MATN2: variants seen among roughly 807,000 people sequenced by gnomAD.
MATN2 encodes matrilin-2.
MATN2 carries 69 observed loss-of-function variants against 103.2 expected under a neutral mutation model. That is an observed-to-expected ratio of 0.67 (90% CI 0.55 to 0.82). MATN2 has a LOEUF of 0.82. Ranked by LOEUF, MATN2 falls within the 40% of genes least tolerant of loss-of-function variation. The pLI is 0.00. For synonymous variants in MATN2, 429 were observed against 450.2 expected (o/e 0.95, Z 0.60); for missense variants, 1,023 against 1,211.5 (o/e 0.84, Z 2.31).
intron 4 of MATN2, among the ~76,000 whole-genome samples, chr8:97,944,123 G>C (rs903845864): frequency 6.6e-6 from 1 of 152,302 alleles, no homozygotes; most frequent in Non-Finnish European, 1.5e-5. Flanking sequence ...AGGTCCAGGC[G>C]GAGGAGGGCT....
chr8:97,990,048 G>T (rs539418254), intron 6 of MATN2, among the ~76,000 whole-genome samples: 4 of 151,928 alleles, frequency 2.6e-5, no homozygotes, highest in Non-Finnish European at 4.4e-5. Flanking sequence ...CAGGCATGGT[G>T]GCAGGTGCCT....
intron 2 of MATN2, among the ~76,000 whole-genome samples, chr8:97,927,057 A>G (rs1810009926): frequency 6.6e-6 from 1 of 152,212 alleles, no homozygotes. Flanking sequence ...GGAGCTTGTT[A>G]GAAATGGAAA....
At chr8:97,872,542 A>G (rs1483301767) in intron 1 of MATN2, among the ~76,000 whole-genome samples, 1 of 152,244 alleles carries the variant, frequency 6.6e-6, no homozygotes, top group Non-Finnish European at 1.5e-5. Flanking sequence ...TAGAGCTAAA[A>G]TCAAGGTGTC....
At chr8:97,961,667 AGTT>A in intron 5 of MATN2, 137 bp downstream of exon 5, 1 of 1,027,290 alleles carries the variant, frequency 9.7e-7, no homozygotes, top group Middle Eastern at 2.2e-4. Flanking sequence ...TGTTTGGTGT[AGTT>A]GTTAGGCAGA....
intron 2 of MATN2, among the ~76,000 whole-genome samples, chr8:97,917,110 A>C (rs113079580): frequency 3.0e-4 from 45 of 152,114 alleles, no homozygotes; most frequent in Non-Finnish European, 4.4e-4. Flanking sequence ...TTTAGGGAGC[A>C]TCCTTGCTAC....
intron 4 of MATN2, among the ~76,000 whole-genome samples, chr8:97,955,363 A>G (rs1398979996): frequency 6.6e-6 from 1 of 152,226 alleles, no homozygotes; most frequent in South Asian, 2.1e-4. Flanking sequence ...CCATGGTGGC[A>G]GGGGAGATGA....
In MATN2 at chr8:97,934,123, T is replaced by A. The variant is rs76172290; in HGVS notation, c.712+2601T>A. On this transcript the variant is annotated intron_variant, in intron 3 of 18. Transcript: ENST00000254898. ...GGTAAACCATTTTCTGGTGGCCACC[T>A]CCACAGTCCAGCCTGGCCAGGTAAA... Among the ~76,000 whole-genome samples the A allele has an allele frequency of 1.2e-3, 177 of 152,288 alleles. No homozygotes were observed. In the East Asian group the frequency reaches 0.025, roughly 21 times the overall value.
In MATN2 at chr8:97,999,793, T is replaced by C. The variant is rs74685675; in HGVS notation, c.1205-3868T>C. ...TCTCCATGCACTCTGTCTGCAGCCA[T>C]TCTGCTCATACTCTGGGCATGAAGC... On this transcript the variant is annotated intron_variant, in intron 7 of 18. Transcript: ENST00000254898. Among the ~76,000 whole-genome samples the C allele has an allele frequency of 6.8e-3, 1,029 of 152,034 alleles. 78 individuals are homozygous for C. In the East Asian group the frequency reaches 0.15, roughly 23 times the overall value.
intron 12 of MATN2, among the ~76,000 whole-genome samples, chr8:98,018,921 T>C (rs1375527337): frequency 6.6e-6 from 1 of 151,812 alleles, no homozygotes; most frequent in Non-Finnish European, 1.5e-5. Flanking sequence ...TTTGCTTCTA[T>C]AGGTCACCCA....
At chr8:97,895,367 T>A (rs945159663) in intron 2 of MATN2, among the ~76,000 whole-genome samples, 1 of 152,216 alleles carries the variant, frequency 6.6e-6, no homozygotes, top group Admixed American at 6.5e-5. Context: ...TTGCCATGAT[T>A]AAAACTTTTG....
intron 6 of MATN2, among the ~76,000 whole-genome samples, chr8:97,990,616 A>C (rs1426055786): frequency 6.6e-6 from 1 of 152,268 alleles, no homozygotes; most frequent in Non-Finnish European, 1.5e-5. Context: ...GTATAATCAC[A>C]TAGTGAAATA....
chr8:97,923,925 C>T (rs1809900723), intron 2 of MATN2, among the ~76,000 whole-genome samples: 1 of 152,192 alleles, frequency 6.6e-6, no homozygotes, highest in Non-Finnish European at 1.5e-5. Flanking sequence ...GCCATAATTT[C>T]AGTTTAAACC....
In MATN2 at chr8:98,016,565, C is replaced by T; in HGVS notation, c.1599C>T (p.Asp533=). 1 of 1,610,246 alleles carries T rather than the reference C, an allele frequency of 6.2e-7. No individual in the cohort carries two copies. The highest frequency in any genetic ancestry group is 8.5e-7 in the Non-Finnish European group (1 of 1,178,012). ...CAKLDSCALG[D]HGCEHSCVSS... Reference sequence around the variant, plus strand: ...AATTGGACTCTTGTGCTCTGGGGGACCACGGTTGTGAACATTCGTGTGTAA... The same window carrying T: ...AATTGGACTCTTGTGCTCTGGGGGATCACGGTTGTGAACATTCGTGTGTAA... Residue 533 remains aspartate (D), a synonymous_variant, in exon 11 of 19, where the codon GAC becomes GAT. Transcript: ENST00000254898.
In MATN2 at chr8:97,971,808, A is replaced by G. The variant is rs186693126; in HGVS notation, c.959-7078A>G. ...ATACATTTTCTTGAAGCACTGACTG[A>G]GGTTGATTGCAATCTCATGCATTCA... On this transcript the variant is annotated intron_variant, in intron 5 of 18. Transcript: ENST00000254898. Among the ~76,000 whole-genome samples, 419 of 152,198 alleles carry G rather than the reference A, an allele frequency of 2.8e-3. 4 individuals carry two copies. The highest frequency in any genetic ancestry group is 8.9e-3 in the African/African-American group (369 of 41,524).
At chr8:97,938,646 G>T (rs929949586) in intron 3 of MATN2, among the ~76,000 whole-genome samples, 5 of 152,130 alleles carry the variant, frequency 3.3e-5, no homozygotes, top group African/African-American at 1.2e-4. Context: ...CTAGATCTAA[G>T]GTTTTGATTA....
intron 6 of MATN2, among the ~76,000 whole-genome samples, chr8:97,992,294 T>A (rs957856320): frequency 8.5e-5 from 13 of 152,236 alleles, no homozygotes; most frequent in African/African-American, 1.4e-4. Context: ...GTGTTTCTTG[T>A]TTTATTTTTA....
chr8:97,942,338 T>C (rs1450478899), intron 4 of MATN2, among the ~76,000 whole-genome samples: 1 of 152,210 alleles, frequency 6.6e-6, no homozygotes, highest in Non-Finnish European at 1.5e-5. Context: ...AAGTTCTGTT[T>C]TAGAGGGGTG....
chr8:98,000,327 G>A (rs915014409), intron 7 of MATN2, among the ~76,000 whole-genome samples: 51 of 151,694 alleles, frequency 3.4e-4, no homozygotes, highest in African/African-American at 7.3e-5. Flanking sequence ...GGCCAGGTGC[G>A]GTGGCTCACG....
intron 2 of MATN2, among the ~76,000 whole-genome samples, chr8:97,915,007 GAC>G (rs1164208341): frequency 1.3e-5 from 2 of 152,108 alleles, no homozygotes; most frequent in African/African-American, 4.8e-5. Context: ...TGTTTTTAGA[GAC>G]AGAGTCTCTC....
Sources: gnomAD v4.1 joint callset for allele counts (sites outside exome capture counted in the v4.1 genomes callset) on GRCh38, gnomAD v4.1.1 for gene constraint, MANE v1.5 for transcripts, NCBI Gene and HGNC (gene_info 2026-07-23, HGNC 2026-07-21) for gene names.